The following RHBDD1 variants were observed in gnomAD, a reference collection of about 807,000 sequenced individuals.
The protein encoded by RHBDD1 is rhomboid-related protein 4.
RHBDD1 carries 38 observed loss-of-function variants against 36.3 expected under a neutral mutation model. The observed-to-expected ratio is 1.05, with a 90% CI of 0.81 to 1.37. RHBDD1 has a LOEUF of 1.37. Ranked by LOEUF, RHBDD1 falls within the 40% of genes most tolerant of loss-of-function variation. RHBDD1 has a pLI of 0.00. For missense variants in RHBDD1, 393 were observed against 377.6 expected (o/e 1.04, Z -0.34); for synonymous variants, 151 against 136.5 (o/e 1.11, Z -0.74).
chr2:226,908,853 A>G lies in RHBDD1; in HGVS notation c.687A>G (p.Gly229=), dbSNP rs1371165938. The change falls in exon 7 of 9, where the codon GGA becomes GGG. Residue 229 remains glycine, a synonymous_variant. Coordinates refer to ENST00000392062, the MANE Select transcript of RHBDD1 (RefSeq NM_001167608.3). ...TTTCCTCCAGTGTTGGTTACCCAGGACGGCAATACTACTTTAATAGTTCAG... is the reference window on the plus strand; with the variant it reads ...TTTCCTCCAGTGTTGGTTACCCAGGGCGGCAATACTACTTTAATAGTTCAG... The part of the protein sequence containing the change: ...GGFSSSVGYP[G]RQYYFNSSGS... 1 of 1,607,044 alleles carries G rather than the reference A, an allele frequency of 6.2e-7. No homozygotes were observed. Among genetic ancestry groups the G allele is most frequent in the Non-Finnish European group, 8.5e-7 (1 of 1,173,632 alleles).
At chr2:226,870,260 C>T (rs1275925669) in intron 5 of RHBDD1, among the ~76,000 whole-genome samples, 1 of 152,194 alleles carries the variant, frequency 6.6e-6, no homozygotes, top group Non-Finnish European at 1.5e-5. Flanking sequence ...TTTAAGGTGT[C>T]ATATGCGAAT....
In RHBDD1 at chr2:226,998,472, G is replaced by C. The variant is rs1960057235; in HGVS notation, c.*2950G>C. ...TGTTCCCAGTCTTAGTTTTTCTTGA[G>C]AGATTCAGTATTCAGTAAAGAATAG... On this transcript the variant is annotated 3_prime_UTR_variant, in exon 9 of 9. Transcript: ENST00000392062. 3 of 152,138 alleles carry C rather than the reference G, an allele frequency of 2.0e-5. No homozygotes were observed. The South Asian group carries it at 6.2e-4, about 32-fold the overall frequency. The allele number at this position is 152,138 out of a possible 1,614,324, so 9.4% of individuals were successfully genotyped here.
intron 5 of RHBDD1, among the ~76,000 whole-genome samples, chr2:226,869,936 C>T (rs183190366): frequency 6.6e-6 from 1 of 152,308 alleles, no homozygotes; most frequent in East Asian, 1.9e-4. Flanking sequence ...CCTCCTACCC[C>T]CACCAAGATT....
intron 5 of RHBDD1, among the ~76,000 whole-genome samples, chr2:226,880,943 G>A (rs1283196522): frequency 3.9e-5 from 6 of 152,192 alleles, no homozygotes; most frequent in Non-Finnish European, 1.5e-5. Flanking sequence ...CAAACTGCCT[G>A]TATTAATTCA....
At chr2:226,933,310 C>T (rs1449375611) in intron 8 of RHBDD1, among the ~76,000 whole-genome samples, 2 of 152,146 alleles carry the variant, frequency 1.3e-5, no homozygotes, top group Non-Finnish European at 2.9e-5. Flanking sequence ...GGCAGCCTTT[C>T]ATACATTTCC....
chr2:226,922,200 T>TC (rs1949364315), intron 8 of RHBDD1, among the ~76,000 whole-genome samples: 1 of 148,310 alleles, frequency 6.7e-6, no homozygotes, highest in African/African-American at 2.5e-5. Context: ...AGTATCTTTT[T>TC]CCTTTTTTTT....
intron 3 of RHBDD1, among the ~76,000 whole-genome samples, chr2:226,853,889 C>T (rs1188792774): frequency 1.3e-5 from 2 of 152,160 alleles, no homozygotes; most frequent in African/African-American, 4.8e-5. Context: ...GGCAACTCTA[C>T]GGAGTGTGCT....
chr2:226,846,747 CAAAA>C (rs11366796), intron 3 of RHBDD1, among the ~76,000 whole-genome samples: 2 of 70,096 alleles, frequency 2.9e-5, no homozygotes, highest in Admixed American at 1.6e-4. Flanking sequence ...AATGCCATCT[CAAAA>C]AAAAAAAAAA....
chr2:226,803,335 A>T, the RHBDD1 span, among the ~76,000 whole-genome samples: 1,992 of 143,292 alleles, frequency 0.014, 36 homozygotes, highest in African/African-American at 0.048. Context: ...TGTGTGTGTG[A>T]GAGAGAGAGA....
chr2:226,845,454 A>G (rs1344470751), intron 3 of RHBDD1, among the ~76,000 whole-genome samples: 1 of 152,234 alleles, frequency 6.6e-6, no homozygotes, highest in Non-Finnish European at 1.5e-5. Context: ...CGTAGAGCCA[A>G]GGACCATGCC....
intron 8 of RHBDD1, among the ~76,000 whole-genome samples, chr2:226,938,876 C>T (rs1474612650): frequency 2.0e-5 from 3 of 152,070 alleles, no homozygotes; most frequent in African/African-American, 7.2e-5. Flanking sequence ...TGCAAAAATC[C>T]TCAACAAAAT....
intron 8 of RHBDD1, among the ~76,000 whole-genome samples, chr2:226,980,762 CCAAGA>C (rs1185373365): frequency 1.3e-5 from 2 of 152,070 alleles, no homozygotes; most frequent in Non-Finnish European, 2.9e-5. Flanking sequence ...CTTCAGTTAC[CCAAGA>C]TGAGCCTAAT....
chr2:226,858,347 A>G (rs1943528165), intron 3 of RHBDD1, among the ~76,000 whole-genome samples: 1 of 152,206 alleles, frequency 6.6e-6, no homozygotes. Flanking sequence ...AGAATATTTC[A>G]GTGAATAATT....
intron 8 of RHBDD1, among the ~76,000 whole-genome samples, chr2:226,967,104 A>G (rs1952694951): frequency 6.6e-6 from 1 of 152,194 alleles, no homozygotes; most frequent in Non-Finnish European, 1.5e-5. Context: ...AGATCTGGAA[A>G]TCATCTGAGA....
chr2:226,823,461 A>G, the RHBDD1 span, among the ~76,000 whole-genome samples: 1 of 152,340 alleles, frequency 6.6e-6, no homozygotes, highest in Non-Finnish European at 1.5e-5. Context: ...ACTAAGTCCC[A>G]TGGCACTTGA....
chr2:226,990,252 G>A (rs1480703176), intron 8 of RHBDD1, among the ~76,000 whole-genome samples: 1 of 152,086 alleles, frequency 6.6e-6, no homozygotes. Flanking sequence ...TCCTTTCAGG[G>A]GAGGCATTTT....
the RHBDD1 span, among the ~76,000 whole-genome samples, chr2:226,815,894 T>G: frequency 6.6e-6 from 1 of 151,766 alleles, no homozygotes; most frequent in East Asian, 1.9e-4. Context: ...TCATGGATCC[T>G]TTAGACATTA....
chr2:226,816,699 C>T, the RHBDD1 span, among the ~76,000 whole-genome samples: 1 of 152,140 alleles, frequency 6.6e-6, no homozygotes, highest in Non-Finnish European at 1.5e-5. Context: ...AGTTTGAGAC[C>T]GGCCTGACCA....
chr2:226,819,227 C>T, the RHBDD1 span, among the ~76,000 whole-genome samples: 1 of 152,226 alleles, frequency 6.6e-6, no homozygotes, highest in African/African-American at 2.4e-5. Flanking sequence ...CTGGGATCCA[C>T]ATACTATGCT....
Sources: gnomAD v4.1 joint callset for allele counts (sites outside exome capture counted in the v4.1 genomes callset) on GRCh38, gnomAD v4.1.1 for gene constraint, MANE v1.5 for transcripts, NCBI Gene and HGNC (gene_info 2026-07-23, HGNC 2026-07-21) for gene names.